The following NXPH1 variants were observed in gnomAD, a reference collection of about 807,000 sequenced individuals.
NXPH1 encodes the protein neurexophilin 1.
A neutral mutation model predicts 23.7 loss-of-function variants in NXPH1; 5 were observed. That is an observed-to-expected ratio of 0.21 (90% CI 0.11 to 0.44). The LOEUF (loss-of-function observed/expected upper bound fraction) is 0.44, where lower values mean the gene tolerates loss of function less well. Among genes scored for constraint, NXPH1 ranks in the 20% least tolerant of loss-of-function variants. The probability of loss-of-function intolerance (pLI) is 0.99; values close to 1 mark genes in which losing one functional copy is unlikely to be tolerated. For synonymous variants in NXPH1, 144 were observed against 122.2 expected (o/e 1.18, Z -1.18); for missense variants, 324 against 321.6 (o/e 1.01, Z -0.06).
chr7:8,589,562 C>A (rs937541143), intron 2 of NXPH1, among the ~76,000 whole-genome samples: 5 of 151,992 alleles, frequency 3.3e-5, no homozygotes, highest in African/African-American at 1.2e-4. Flanking sequence ...GTGAGGAGAT[C>A]AGCTTCTGAT....
At chr7:8,561,347 A>G (rs1477381687) in intron 2 of NXPH1, among the ~76,000 whole-genome samples, 6 of 31,358 alleles carry the variant, frequency 1.9e-4, no homozygotes, top group East Asian at 7.9e-4. Context: ...AGGGAAGCCT[A>G]TGTGACACAC....
intron 2 of NXPH1, among the ~76,000 whole-genome samples, chr7:8,656,189 A>T (rs1820579442): frequency 1.3e-5 from 2 of 152,228 alleles, no homozygotes; most frequent in African/African-American, 4.8e-5. Flanking sequence ...AGCAAAGGCA[A>T]AATATTCTAG....
intron 2 of NXPH1, among the ~76,000 whole-genome samples, chr7:8,734,697 G>A (rs908726052): frequency 3.9e-5 from 6 of 152,108 alleles, no homozygotes; most frequent in Non-Finnish European, 8.8e-5. Flanking sequence ...TTCTGTAAAT[G>A]CCTCTTAGGT....
At chr7:8,722,725 A>G (rs1779989489) in intron 2 of NXPH1, among the ~76,000 whole-genome samples, 1 of 152,224 alleles carries the variant, frequency 6.6e-6, no homozygotes, top group South Asian at 2.1e-4. Flanking sequence ...CTCTCAATAA[A>G]GGAAAACCTT....
At chr7:8,703,641 G>T (rs1252977874) in intron 2 of NXPH1, among the ~76,000 whole-genome samples, 2 of 152,044 alleles carry the variant, frequency 1.3e-5, no homozygotes, top group African/African-American at 4.8e-5. Context: ...GCAAGTTGTT[G>T]GAGGGATTAA....
intron 2 of NXPH1, among the ~76,000 whole-genome samples, chr7:8,482,602 A>C (rs1179747911): frequency 6.6e-6 from 1 of 152,124 alleles, no homozygotes; most frequent in Admixed American, 6.5e-5. Context: ...TCAGGGGTGG[A>C]GAAGACTTGA....
intron 2 of NXPH1, among the ~76,000 whole-genome samples, chr7:8,635,116 T>C (rs1473645374): frequency 6.6e-6 from 1 of 152,156 alleles, no homozygotes; most frequent in Non-Finnish European, 1.5e-5. Context: ...CCGTAGGCCA[T>C]TTTTCTAGAG....
intron 2 of NXPH1, among the ~76,000 whole-genome samples, chr7:8,552,485 A>C (rs1818294820): frequency 6.6e-6 from 1 of 151,486 alleles, no homozygotes; most frequent in Non-Finnish European, 1.5e-5. Context: ...AGGTGAAAGA[A>C]ACATGTCTGC....
chr7:8,663,713 T>A (rs1212594957), intron 2 of NXPH1, among the ~76,000 whole-genome samples: 1 of 152,140 alleles, frequency 6.6e-6, no homozygotes, highest in African/African-American at 2.4e-5. Context: ...AGCCAGGGGA[T>A]CCAGCATTAG....
At chr7:8,558,326 G>C (rs933437110) in intron 2 of NXPH1, among the ~76,000 whole-genome samples, 16 of 151,540 alleles carry the variant, frequency 1.1e-4, no homozygotes, top group Non-Finnish European at 2.1e-4. Flanking sequence ...TAATGGAAGC[G>C]AGTTGTAATT....
At chr7:8,623,352 C>G (rs984852576) in intron 2 of NXPH1, among the ~76,000 whole-genome samples, 2 of 151,950 alleles carry the variant, frequency 1.3e-5, no homozygotes, top group African/African-American at 4.8e-5. Flanking sequence ...AGGTCAGGTC[C>G]CCACAAGTTA....
Position 8,435,889 on chromosome 7 carries a change from G to A in NXPH1, c.54+122G>A, listed in dbSNP as rs905926528. 2.1e-6 allele frequency: 2 copies of A among 939,994 alleles called. No individual in the cohort carries two copies. The highest frequency in any genetic ancestry group is 1.7e-5 in the Admixed American group (1 of 57,290). 58.2% of individuals were successfully genotyped at this position (939,994 alleles called of 1,614,324 possible). ...GTGAGAGCAGCTTCCTAGCAGCTGT[G>A]TTGGAGCAACTTTGGCAAGCTGGTC... is the stretch of plus-strand genomic sequence containing the variant. On this transcript the variant is annotated intron_variant, in intron 2 of 2. Coordinates refer to ENST00000405863, the MANE Select transcript of NXPH1 (RefSeq NM_152745.3). The surrounding 1 kb of genome is among the most constrained non-coding windows in gnomAD (Gnocchi z 5.9).
At chr7:8,732,190 A>G (rs7806820) in intron 2 of NXPH1, among the ~76,000 whole-genome samples, 1 of 152,112 alleles carries the variant, frequency 6.6e-6, no homozygotes, top group African/African-American at 2.4e-5. Context: ...ATGCCTCGCC[A>G]TGCTTCGGCT....
chr7:8,527,374 G>T (rs1557841), intron 2 of NXPH1, among the ~76,000 whole-genome samples: 35,158 of 152,098 alleles, frequency 0.23, 5,135 homozygotes, highest in Non-Finnish European at 0.31. Flanking sequence ...AGCTCAGATG[G>T]CCTCTAAATT....
At chr7:8,608,935 A>T (rs1018111975) in intron 2 of NXPH1, among the ~76,000 whole-genome samples, 10 of 152,180 alleles carry the variant, frequency 6.6e-5, no homozygotes, top group African/African-American at 2.2e-4. Context: ...GGATATATAC[A>T]GTAAGTCCTC....
intron 2 of NXPH1, among the ~76,000 whole-genome samples, chr7:8,692,807 A>G (rs888144802): frequency 2.6e-5 from 4 of 152,194 alleles, no homozygotes; most frequent in Non-Finnish European, 5.9e-5. Flanking sequence ...AAGAAGCATG[A>G]TAGAAAGGGA....
chr7:8,637,439 G>A (rs1209142085), intron 2 of NXPH1, among the ~76,000 whole-genome samples: 1 of 152,054 alleles, frequency 6.6e-6, no homozygotes, highest in African/African-American at 2.4e-5. Context: ...TGCCCAGGCT[G>A]GTCTTGAATT....
chr7:8,466,702 G>T (rs1363258643), intron 2 of NXPH1, among the ~76,000 whole-genome samples: 1 of 152,110 alleles, frequency 6.6e-6, no homozygotes, highest in East Asian at 1.9e-4. Context: ...TTTTAAAAAA[G>T]TAAATGATCT....
At chr7:8,665,259 A>C (rs1242267682) in intron 2 of NXPH1, among the ~76,000 whole-genome samples, 1 of 152,094 alleles carries the variant, frequency 6.6e-6, no homozygotes, top group Non-Finnish European at 1.5e-5. Context: ...ATGTTTCAGC[A>C]CCATTTATTG....
Sources: allele counts gnomAD v4.1 joint callset (sites outside exome capture counted in the v4.1 genomes callset), GRCh38; gene constraint gnomAD v4.1.1; non-coding constraint Gnocchi (gnomAD v3.1); transcripts MANE v1.5; gene names NCBI Gene and HGNC (gene_info 2026-07-23, HGNC 2026-07-21).